Variants in PCSK5 observed in about 807,000 individuals in gnomAD.
The protein encoded by PCSK5 is prohormone convertase 5.
A neutral mutation model predicts 233.2 loss-of-function variants in PCSK5; 129 were observed. The ratio of observed to expected loss-of-function variants is 0.55; its 90% CI spans 0.48 to 0.64. PCSK5 has a LOEUF of 0.64. PCSK5 is among the 30% of genes least tolerant of loss of function. PCSK5 has a pLI of 0.00. For synonymous variants in PCSK5, 825 were observed against 879.2 expected, an observed-to-expected ratio of 0.94 and a Z score of 1.09; for missense variants, 2,076 against 2,430.1, an observed-to-expected ratio of 0.85 and a Z score of 3.06.
chr9:76,103,785 G>A (rs559882603), intron 8 of PCSK5, among the ~76,000 whole-genome samples: 2 of 152,258 alleles, frequency 1.3e-5, no homozygotes, highest in South Asian at 4.2e-4. Flanking sequence ...TCACTCTGAT[G>A]GGCACAAATG....
chr9:76,039,703 A>C (rs1829011908), intron 5 of PCSK5, among the ~76,000 whole-genome samples: 1 of 152,218 alleles, frequency 6.6e-6, no homozygotes. Context: ...AATGCAATAC[A>C]CAAGAACTGC....
chr9:75,913,235 C>A (rs1478811773), intron 1 of PCSK5, among the ~76,000 whole-genome samples: 1 of 152,218 alleles, frequency 6.6e-6, no homozygotes, highest in Admixed American at 6.5e-5. Context: ...ACTCTCGCTC[C>A]ACTCTTGTCT....
intron 7 of PCSK5, among the ~76,000 whole-genome samples, chr9:76,075,776 A>T (rs1830622865): frequency 6.6e-6 from 1 of 152,206 alleles, no homozygotes; most frequent in African/African-American, 2.4e-5. Flanking sequence ...GCCTAAAGTC[A>T]TTCTGGCCTA....
intron 2 of PCSK5, among the ~76,000 whole-genome samples, chr9:75,957,362 A>G (rs1246779698): frequency 2.0e-5 from 3 of 152,192 alleles, no homozygotes; most frequent in Non-Finnish European, 4.4e-5. Context: ...AGATCGTAAC[A>G]TTCTTGGAGA....
At chr9:76,193,476 TTTTCTTTCTCTCTC>T in intron 20 of PCSK5, 1 of 725,586 alleles carries the variant, frequency 1.4e-6, no homozygotes, top group East Asian at 2.8e-5. Context: ...CTTGCTCTCT[TTTTCTTTCTCTCTC>T]TCTCAAGTTT....
At chr9:76,199,042 GTGGATCA>G (rs1164355069) in intron 20 of PCSK5, among the ~76,000 whole-genome samples, 1 of 152,164 alleles carries the variant, frequency 6.6e-6, no homozygotes, top group Non-Finnish European at 1.5e-5. Flanking sequence ...TATCTACAAA[GTGGATCA>G]TGTCAAACTA....
At chr9:76,247,845 C>T (rs1826665726) in intron 24 of PCSK5, among the ~76,000 whole-genome samples, 3 of 151,610 alleles carry the variant, frequency 2.0e-5, no homozygotes, top group African/African-American at 4.8e-5. Context: ...AGTGCAACGG[C>T]GTGATCTTGG....
intron 7 of PCSK5, among the ~76,000 whole-genome samples, chr9:76,082,501 C>G (rs774482139): frequency 5.3e-5 from 8 of 152,102 alleles, no homozygotes; most frequent in Admixed American, 3.9e-4. Context: ...ATATTCCAGG[C>G]ACTTTTCTAG....
chr9:75,989,264 A>G (rs1340036053), intron 3 of PCSK5, among the ~76,000 whole-genome samples: 1 of 152,172 alleles, frequency 6.6e-6, no homozygotes, highest in Non-Finnish European at 1.5e-5. Context: ...CTTGCTGCAT[A>G]ACAAAACTTA....
Position 76,296,519 on chromosome 9 carries a change from G to A in PCSK5, c.3323-146G>A, listed in dbSNP as rs531744791. The A allele has an allele frequency of 4.2e-4, 258 of 619,360 alleles. 3 individuals carry two copies. The East Asian group carries it at 6.6e-3, about 16-fold the overall frequency. The allele number at this position is 619,360 out of a possible 1,614,324, so 38.4% of individuals were successfully genotyped here. ...GATCATGCCACTGCACTTTAGCCTG[G>A]GCAACAGAGAGAGACTCCATCTCAA... is the stretch of plus-strand genomic sequence containing the variant. On this transcript the variant is annotated intron_variant, in intron 26 of 37. Coordinates refer to ENST00000674117, the MANE Select transcript of PCSK5 (RefSeq NM_001372043.1).
rs529606043 is a variant in PCSK5 at position 75,960,337 on chromosome 9, A to G, written c.298-25795A>G. ...TTGGAAGGAATAGGATTAGTTTGAA[A>G]CAACCAGAGGTCAGGGCAGCTCAAT... On this transcript the variant is annotated intron_variant, in intron 2 of 37. Transcript: ENST00000674117. Among the ~76,000 whole-genome samples the G allele has an allele frequency of 4.3e-4, 65 of 152,332 alleles. 1 individual carries two copies. The South Asian group carries it at 8.5e-3, about 20-fold the overall frequency.
chr9:76,135,537 T>C (rs936022309), intron 10 of PCSK5, among the ~76,000 whole-genome samples: 1 of 152,108 alleles, frequency 6.6e-6, no homozygotes, highest in Non-Finnish European at 1.5e-5. Flanking sequence ...CCCGTTGGCA[T>C]TGCATTCTCT....
At chr9:76,019,278 C>A (rs1828080476) in intron 3 of PCSK5, among the ~76,000 whole-genome samples, 2 of 151,122 alleles carry the variant, frequency 1.3e-5, no homozygotes, top group South Asian at 4.2e-4. Context: ...TTTTAACTTC[C>A]AACAACTCCT....
intron 3 of PCSK5, among the ~76,000 whole-genome samples, chr9:76,000,261 T>C (rs895442290): frequency 1.3e-5 from 2 of 152,230 alleles, no homozygotes; most frequent in Non-Finnish European, 2.9e-5. Context: ...ATTTTGCAAG[T>C]TCTATCCCTG....
intron 9 of PCSK5, among the ~76,000 whole-genome samples, chr9:76,113,965 A>G (rs1832326064): frequency 6.6e-6 from 1 of 152,104 alleles, no homozygotes; most frequent in Non-Finnish European, 1.5e-5. Context: ...GAACTTAGAA[A>G]GTACTTGCAC....
intron 5 of PCSK5, among the ~76,000 whole-genome samples, chr9:76,053,457 G>C (rs183849853): frequency 6.6e-6 from 1 of 152,120 alleles, no homozygotes; most frequent in Non-Finnish European, 1.5e-5. Context: ...CTATTGCTTC[G>C]TTAGGCTGCA....
chr9:75,993,731 G>A lies in PCSK5; in HGVS notation c.411+7486G>A, dbSNP rs908227793. ...AGCAGAAAGAAAACGCACATGGGGC[G>A]AAGTCTGGAGGAAACCAGGATCAAG... is the stretch of plus-strand genomic sequence containing the variant. On this transcript the variant is annotated intron_variant, in intron 3 of 37. Transcript: ENST00000674117. Among the ~76,000 whole-genome samples, 4 of 152,304 alleles carry A rather than the reference G, an allele frequency of 2.6e-5. No homozygotes were observed. The East Asian group carries it at 5.8e-4, about 22-fold the overall frequency.
intron 24 of PCSK5, among the ~76,000 whole-genome samples, chr9:76,274,081 A>C (rs1459286852): frequency 5.3e-5 from 8 of 151,494 alleles, no homozygotes; most frequent in Admixed American, 6.6e-5. Flanking sequence ...AGCCCTTCTC[A>C]TTTTAACCTC....
chr9:76,321,340 A>G (rs1829194553), intron 30 of PCSK5, 82 bp from the exon 31 acceptor site: 2 of 751,090 alleles, frequency 2.7e-6, no homozygotes, highest in Admixed American at 4.0e-5. Context: ...TTTTGTTTTT[A>G]GACCTAATTC....
Sources: gnomAD v4.1 joint callset for allele counts (sites outside exome capture counted in the v4.1 genomes callset) on GRCh38, gnomAD v4.1.1 for gene constraint, MANE v1.5 for transcripts, NCBI Gene and HGNC (gene_info 2026-07-23, HGNC 2026-07-21) for gene names.